MAP3K10: variants seen among roughly 807,000 people sequenced by gnomAD.
MAP3K10 encodes the protein MKN28 derived nonreceptor_type serine/threonine kinase.
In MAP3K10, 22 loss-of-function variants were observed where a neutral mutation model predicts 75.0. The ratio of observed to expected loss-of-function variants is 0.29; its 90% confidence interval spans 0.21 to 0.42. The LOEUF is 0.42. MAP3K10 is among the 10% of genes least tolerant of loss of function. The pLI is 1.00. For missense variants in MAP3K10, 1,165 were observed against 1,379.8 expected, an observed-to-expected ratio of 0.84 and a Z score of 2.47; for synonymous variants, 599 against 612.9, an observed-to-expected ratio of 0.98 and a Z score of 0.34.
rs752343968 is a variant in MAP3K10 at position 40,213,980 on chromosome 19, C to T, written c.2301C>T (p.Asp767=). The change falls in exon 9 of 10, where the codon GAC becomes GAT. Residue 767 remains aspartate (D), a synonymous_variant. Transcript: ENST00000253055. The surrounding 1 kb of genome is among the most constrained non-coding windows in gnomAD (Gnocchi z 5.7). ...GTTCACTGCTGCGCTCTGACAGTGA[C>T]GAGGCCGCACCGGCCGCGCCCTCCC... ...STRSLLRSDS[D]EAAPAAPSPP... 1.3e-6 allele frequency: 2 copies of T among 1,531,318 alleles called. No homozygotes were observed. The highest frequency in any genetic ancestry group is 2.0e-5 in the Admixed American group (1 of 50,870). The allele number at this position is 1,531,318 out of a possible 1,614,324, so 94.9% of individuals were successfully genotyped here.
In MAP3K10 at chr19:40,191,947, T is replaced by C; in HGVS notation, c.-85T>C. On this transcript the variant is annotated 5_prime_UTR_variant, in exon 1 of 10. Transcript: ENST00000253055. ...TCCCTAGACCCCGCAGGGACTGCCC[T>C]CCATCCCGGCCGCCGGGGCCCGCCC... The C allele has an allele frequency of 1.0e-6, 1 of 952,572 alleles. No individual in the cohort carries two copies. Among genetic ancestry groups the C allele is most frequent in the Non-Finnish European group, 1.5e-6 (1 of 680,178 alleles). The allele number at this position is 952,572 out of a possible 1,614,324, so 59.0% of individuals were successfully genotyped here.
At chr19:40,199,579 T>C (rs1248471414) in intron 2 of MAP3K10, among the ~76,000 whole-genome samples, 1 of 152,112 alleles carries the variant, frequency 6.6e-6, no homozygotes, top group Non-Finnish European at 1.5e-5. Flanking sequence ...GCTGCCACTG[T>C]GCAGGCAAGG....
In MAP3K10 at chr19:40,198,576, G is replaced by A; in HGVS notation, c.863+21G>A. 2.5e-6 allele frequency: 4 copies of A among 1,596,674 alleles called. No homozygotes were observed. The highest frequency in any genetic ancestry group is 3.4e-6 in the Non-Finnish European group (4 of 1,168,432). ...TGGAGGTGCTGAAAGGCGCGGCCGG[G>A]ATGGCCTCTGGGGAGTAAGGGAGGG... On this transcript the variant is annotated intron_variant, in intron 2 of 9. Transcript: ENST00000253055. This position sits in a 1 kb window ranked among gnomAD's most constrained non-coding sequence, Gnocchi z 4.3.
Position 40,198,341 on chromosome 19 carries a change from T to C in MAP3K10, c.683-34T>C. On this transcript the variant is annotated intron_variant, in intron 1 of 9. Transcript: ENST00000253055. This position sits in a 1 kb window ranked among gnomAD's most constrained non-coding sequence, Gnocchi z 4.3. Reference sequence around the variant, plus strand: ...ACACTTGGGTCTGCGGCGTGGCAGGTCTGGGGTGACCCACCTTTCTTCCCA... The same window carrying C: ...ACACTTGGGTCTGCGGCGTGGCAGGCCTGGGGTGACCCACCTTTCTTCCCA... 1 of 1,585,492 alleles carries C rather than the reference T, an allele frequency of 6.3e-7. No homozygotes were observed.
In MAP3K10 at chr19:40,205,055, G is replaced by T; in HGVS notation, c.1013-66G>T. ...AATTCTGCCTTCCTCTGAGCAGGCT[G>T]AGTCCCCAGAGCATGACCACTGACA... On this transcript the variant is annotated intron_variant, in intron 3 of 9. Coordinates refer to ENST00000253055, the MANE Select transcript of MAP3K10 (RefSeq NM_002446.4). This position sits in a 1 kb window ranked among gnomAD's most constrained non-coding sequence, Gnocchi z 4.3. 1 of 1,451,268 alleles carries T rather than the reference G, an allele frequency of 6.9e-7. No homozygotes were observed. The highest frequency in any genetic ancestry group is 1.2e-5 in the South Asian group (1 of 85,636). The allele number at this position is 1,451,268 out of a possible 1,614,324, so 89.9% of individuals were successfully genotyped here.
In MAP3K10 at chr19:40,213,309, G is replaced by A; in HGVS notation, c.1837+121G>A. 1 of 1,451,196 alleles carries A rather than the reference G, an allele frequency of 6.9e-7. No individual in the cohort carries two copies. 89.9% of individuals were successfully genotyped at this position (1,451,196 alleles called of 1,614,324 possible). A position where few individuals can be genotyped will look rare whatever the true frequency, so the allele number is the denominator to read the frequency against. On this transcript the variant is annotated intron_variant, in intron 8 of 9. Transcript: ENST00000253055. This position sits in a 1 kb window ranked among gnomAD's most constrained non-coding sequence, Gnocchi z 5.7. The stretch of plus-strand genomic sequence containing the variant: ...GTGAGTGGAAGGCCTTCCTGGGAAG[G>A]GAGATGGTGGCCCCTGGGGCGTGGG...
In MAP3K10 at chr19:40,212,667, G is replaced by A; in HGVS notation, c.1553-138G>A. 1 of 1,056,792 alleles carries A rather than the reference G, an allele frequency of 9.5e-7. No homozygotes were observed. The highest frequency in any genetic ancestry group is 1.4e-6 in the Non-Finnish European group (1 of 735,708). The allele number at this position is 1,056,792 out of a possible 1,614,324, so 65.5% of individuals were successfully genotyped here. On this transcript the variant is annotated intron_variant, in intron 6 of 9. Coordinates refer to ENST00000253055, the MANE Select transcript of MAP3K10 (RefSeq NM_002446.4). This position sits in a 1 kb window ranked among gnomAD's most constrained non-coding sequence, Gnocchi z 4.2. ...GGGGGCTATGGGGAGATATATAGCA[G>A]GGAGGGTCATGACTGGAGTTCAAAA...
rs1216960276 is a variant in MAP3K10, at chr19:40,214,206, G to A, written c.2527G>A (p.Ala843Thr). Residue 843 changes from alanine to threonine, a missense_variant, in exon 9 of 10, where the codon GCG becomes ACG. By Grantham distance (58) the Ala-to-Thr change is moderately conservative. Around this residue, in one of 2 missense-constraint regions of MAP3K10, gnomAD observed 590 missense variants for 586.6 expected, o/e 1.01. Transcript: ENST00000253055. ...GGGGCAGCGGGGGCCGCCCGAGCCC[G>A]CGGGCCATGGCCCTGGTGAGTGAGG... Reference protein sequence around the residue: ...ALGQRGPPEPAGHGPGPRDLL... With the variant: ...ALGQRGPPEPTGHGPGPRDLL... 5.6e-6 allele frequency: 8 copies of A among 1,423,408 alleles called. No homozygotes were observed. Among genetic ancestry groups the A allele is most frequent in the Non-Finnish European group, 7.3e-6 (8 of 1,100,102 alleles). 88.2% of individuals were successfully genotyped at this position (1,423,408 alleles called of 1,614,324 possible).
At position 40,205,741 on chromosome 19, in the gene MAP3K10, G is replaced by A. The variant is rs561265251; in HGVS notation, c.1189-170G>A. On this transcript the variant is annotated intron_variant, in intron 4 of 9. Transcript: ENST00000253055. The surrounding 1 kb of genome is among the most constrained non-coding windows in gnomAD (Gnocchi z 4.3). ...TTTCTTTGAGCTAACACAGTTCCCT[G>A]CCCTGGCACCCAGCTTGGCTAGCAA... The A allele has an allele frequency of 3.0e-6, 2 of 660,904 alleles. No individual in the cohort carries two copies. Among genetic ancestry groups the A allele is most frequent in the Non-Finnish European group, 4.9e-6 (2 of 406,430 alleles). The allele number at this position is 660,904 out of a possible 1,614,324, so 40.9% of individuals were successfully genotyped here. A position where few individuals can be genotyped will look rare whatever the true frequency, so the allele number is the denominator to read the frequency against.
At chr19:40,203,948 G>A (rs1485827328) in intron 2 of MAP3K10, among the ~76,000 whole-genome samples, 1 of 152,186 alleles carries the variant, frequency 6.6e-6, no homozygotes, top group Non-Finnish European at 1.5e-5. Context: ...CCAGAGGTTA[G>A]AAAGCACAGG....
At position 40,215,277 on chromosome 19, in the gene MAP3K10, C is replaced by A. The variant is rs373730565; in HGVS notation, c.2850C>A (p.Ala950=). 89 of 1,546,772 alleles carry A rather than the reference C, an allele frequency of 5.8e-5. No homozygotes were observed. The East Asian group carries it at 7.1e-4, about 12-fold the overall frequency. The change falls in exon 10 of 10, where the codon GCC becomes GCA. Residue 950 remains alanine (A), a synonymous_variant. Transcript: ENST00000253055. ...NQDSTVPLCG[A]HGSH ...ACAGCACAGTGCCCCTGTGCGGGGC[C>A]CACGGCTCCCACTAAGGCCTGCCCA...
At chr19:40,206,318 A>T (rs1228861985) in intron 5 of MAP3K10, 161 bp downstream of exon 5, 1 of 819,112 alleles carries the variant, frequency 1.2e-6, no homozygotes, top group Non-Finnish European at 1.7e-6. Flanking sequence ...TTGTAGTCCC[A>T]GCCTACTCAG....
Position 40,198,344 on chromosome 19 carries a change from G to A in MAP3K10, c.683-31G>A, listed in dbSNP as rs369020155. 1.3e-5 allele frequency: 21 copies of A among 1,592,630 alleles called. No individual in the cohort carries two copies. In the East Asian group the frequency reaches 2.2e-4, roughly 17 times the overall value. On this transcript the variant is annotated intron_variant, in intron 1 of 9. Transcript: ENST00000253055. The surrounding 1 kb of genome is among the most constrained non-coding windows in gnomAD (Gnocchi z 4.3). ...CTTGGGTCTGCGGCGTGGCAGGTCT[G>A]GGGTGACCCACCTTTCTTCCCACCC...
At position 40,212,578 on chromosome 19, in the gene MAP3K10, C is replaced by A. The variant is rs1599916454; in HGVS notation, c.1553-227C>A. On this transcript the variant is annotated intron_variant, in intron 6 of 9. Transcript: ENST00000253055. This position sits in a 1 kb window ranked among gnomAD's most constrained non-coding sequence, Gnocchi z 4.2. ...GAGGAGGGGAGGCTGGAGGAGTTGG[C>A]AGGGAACCGCTCATGGCCTTCAGTG... Among the ~76,000 whole-genome samples, 1 of 152,304 alleles carries A rather than the reference C, an allele frequency of 6.6e-6. No homozygotes were observed. The highest frequency in any genetic ancestry group is 1.9e-4 in the East Asian group (1 of 5,186).
In MAP3K10 at chr19:40,198,216, G is replaced by T. The variant is rs1375586582; in HGVS notation, c.683-159G>T. 1.3e-5 allele frequency among the ~76,000 whole-genome samples: 2 copies of T among 152,192 alleles called. No individual in the cohort carries two copies. Among genetic ancestry groups the T allele is most frequent in the Non-Finnish European group, 2.9e-5 (2 of 68,024 alleles). ...ACAGGGATTAGACCTGGGCGGAGGG[G>T]CTCATGGATGTTCCAGGCCAGGAAA... On this transcript the variant is annotated intron_variant, in intron 1 of 9. Transcript: ENST00000253055. The surrounding 1 kb of genome is among the most constrained non-coding windows in gnomAD (Gnocchi z 4.3).
intron 1 of MAP3K10, among the ~76,000 whole-genome samples, chr19:40,195,359 A>C (rs544062601): frequency 3.3e-5 from 5 of 152,090 alleles, no homozygotes; most frequent in Admixed American, 1.3e-4. Flanking sequence ...GTTTCGATAC[A>C]AACAGGAGAG....
At chr19:40,206,310 G>T in intron 5 of MAP3K10, 153 bp downstream of exon 5, 2 of 909,074 alleles carry the variant, frequency 2.2e-6, no homozygotes, top group Non-Finnish European at 3.1e-6. Context: ...GCGAGCACTT[G>T]TAGTCCCAGC....
chr19:40,201,113 G>T (rs1273406720), intron 2 of MAP3K10, among the ~76,000 whole-genome samples: 1 of 151,858 alleles, frequency 6.6e-6, no homozygotes, highest in Non-Finnish European at 1.5e-5. Flanking sequence ...CACCTTGTAT[G>T]GTCTCCATTC....
At chr19:40,206,363 G>C (rs1973122414) in intron 5 of MAP3K10, 2 of 489,640 alleles carry the variant, frequency 4.1e-6, no homozygotes, top group Admixed American at 8.2e-5. Context: ...GAGGCCAGAA[G>C]TTTGAGACCA....
Sources: gnomAD v4.1 joint callset for allele counts (sites outside exome capture counted in the v4.1 genomes callset) on GRCh38, gnomAD v4.1.1 for gene constraint, gnomAD v4.1.1 regional missense constraint, Gnocchi (gnomAD v3.1) non-coding constraint, MANE v1.5 for transcripts, NCBI Gene and HGNC (gene_info 2026-07-23, HGNC 2026-07-21) for gene names.